Variants in RCAN2 observed in about 807,000 individuals in gnomAD.
The protein encoded by RCAN2 is calcipressin-2.
A neutral mutation model predicts 23.6 loss-of-function variants in RCAN2; 9 were observed. The observed-to-expected ratio is 0.38, with a 90% CI of 0.23 to 0.67. The LOEUF (loss-of-function observed/expected upper bound fraction) is 0.67. Among genes scored for constraint, RCAN2 ranks in the 30% least tolerant of loss-of-function variants. The pLI is 0.51. For synonymous variants in RCAN2, 109 were observed against 115.7 expected, an observed-to-expected ratio of 0.94 and a Z score of 0.37; for missense variants, 273 against 302.3, an observed-to-expected ratio of 0.90 and a Z score of 0.72.
intron 4 of RCAN2, among the ~76,000 whole-genome samples, chr6:46,243,505 G>A (rs1433524696): frequency 1.3e-5 from 2 of 152,064 alleles, no homozygotes; most frequent in Non-Finnish European, 2.9e-5. Context: ...GTTTAGATTG[G>A]TGTTTGTTAG....
intron 1 of RCAN2, among the ~76,000 whole-genome samples, chr6:46,470,928 C>T (rs1768539958): frequency 6.6e-6 from 1 of 152,296 alleles, no homozygotes; most frequent in South Asian, 2.1e-4. Flanking sequence ...CCTCATTCAC[C>T]TCATTCACCA....
chr6:46,257,016 A>T (rs1304454596), intron 2 of RCAN2, among the ~76,000 whole-genome samples: 1 of 152,248 alleles, frequency 6.6e-6, no homozygotes, highest in Non-Finnish European at 1.5e-5. Flanking sequence ...TCTGTCCAGC[A>T]TCCTCATTAA....
chr6:46,335,067 G>A (rs963807066), intron 2 of RCAN2, among the ~76,000 whole-genome samples: 3 of 152,188 alleles, frequency 2.0e-5, no homozygotes, highest in African/African-American at 7.2e-5. Flanking sequence ...CATATTGGAT[G>A]TGTCTGAAGG....
chr6:46,435,232 A>G (rs1358882934), intron 2 of RCAN2, among the ~76,000 whole-genome samples: 1 of 152,174 alleles, frequency 6.6e-6, no homozygotes, highest in African/African-American at 2.4e-5. Flanking sequence ...TATTTTTTGA[A>G]ATAACTCCTT....
chr6:46,323,654 T>A (rs553330374), intron 2 of RCAN2, among the ~76,000 whole-genome samples: 1 of 152,272 alleles, frequency 6.6e-6, no homozygotes, highest in East Asian at 1.9e-4. Flanking sequence ...AATCTACCCA[T>A]CTTTAAGTAT....
Position 46,436,206 on chromosome 6 carries a change from A to G in RCAN2, c.225+20546T>C, listed in dbSNP as rs1221977639. On this transcript the variant is annotated intron_variant, in intron 2 of 4. Transcript: ENST00000371374. Reference sequence around the variant, plus strand: ...AGCAACCACAGGCAAGGGAAGCAAGAGTCCCAACAGGTTTCTTTTTCTTGA... The same window carrying G: ...AGCAACCACAGGCAAGGGAAGCAAGGGTCCCAACAGGTTTCTTTTTCTTGA... Among the ~76,000 whole-genome samples, 8 of 152,298 alleles carry G rather than the reference A, an allele frequency of 5.3e-5. No homozygotes were observed. In the East Asian group the frequency reaches 1.5e-3, roughly 29 times the overall value.
chr6:46,328,865 T>G (rs1763874445), intron 2 of RCAN2, among the ~76,000 whole-genome samples: 1 of 152,200 alleles, frequency 6.6e-6, no homozygotes. Context: ...CACGCTGGCC[T>G]CCCAAAGTGC....
chr6:46,429,258 CT>C (rs1347790738), intron 2 of RCAN2, among the ~76,000 whole-genome samples: 1 of 152,160 alleles, frequency 6.6e-6, no homozygotes, highest in African/African-American at 2.4e-5. Context: ...TGTATAAACA[CT>C]TTTACAGGGT....
intron 2 of RCAN2, among the ~76,000 whole-genome samples, chr6:46,388,155 T>A (rs1765815689): frequency 6.6e-6 from 1 of 151,872 alleles, no homozygotes; most frequent in Non-Finnish European, 1.5e-5. Flanking sequence ...CCAATGTAAA[T>A]GACGAGTTAA....
intron 2 of RCAN2, among the ~76,000 whole-genome samples, chr6:46,270,152 G>A (rs1767477033): frequency 6.6e-6 from 1 of 152,112 alleles, no homozygotes; most frequent in Admixed American, 6.5e-5. Flanking sequence ...GTGCTGACAG[G>A]CTTCAGGACA....
chr6:46,402,817 CT>C, intron 2 of RCAN2, among the ~76,000 whole-genome samples: 1 of 152,280 alleles, frequency 6.6e-6, no homozygotes, highest in African/African-American at 2.4e-5. Flanking sequence ...GGTCTTTATT[CT>C]GAAGGCTCCT....
chr6:46,268,269 G>T (rs535335788), intron 2 of RCAN2, among the ~76,000 whole-genome samples: 13 of 152,284 alleles, frequency 8.5e-5, no homozygotes, highest in African/African-American at 2.9e-4. Flanking sequence ...GAAGAGAGCA[G>T]ACATAAGCCA....
At chr6:46,290,804 C>T (rs6933005) in intron 2 of RCAN2, among the ~76,000 whole-genome samples, 5,392 of 152,218 alleles carry the variant, frequency 0.035, 291 homozygotes, top group African/African-American at 0.12. Flanking sequence ...AACTTATGTA[C>T]ACAGAAATAT....
chr6:46,366,060 C>T (rs57758065), intron 2 of RCAN2, among the ~76,000 whole-genome samples: 127 of 152,170 alleles, frequency 8.3e-4, no homozygotes, highest in African/African-American at 2.9e-3. Flanking sequence ...ATGTGTGAGG[C>T]CAGGATTTGA....
chr6:46,419,026 A>G (rs915599992), intron 2 of RCAN2, among the ~76,000 whole-genome samples: 1 of 152,106 alleles, frequency 6.6e-6, no homozygotes. Flanking sequence ...AAAAAGCCCA[A>G]AAGAAAAAAG....
chr6:46,411,368 T>G (rs1221068270), intron 2 of RCAN2, among the ~76,000 whole-genome samples: 1 of 152,176 alleles, frequency 6.6e-6, no homozygotes, highest in African/African-American at 2.4e-5. Context: ...GTACAGAGTT[T>G]CAGTTTGGGA....
At chr6:46,312,376 T>C (rs1459600178) in intron 2 of RCAN2, among the ~76,000 whole-genome samples, 1 of 152,314 alleles carries the variant, frequency 6.6e-6, no homozygotes, top group Admixed American at 6.5e-5. Context: ...TCACTGAATT[T>C]CCACTTACGA....
At chr6:46,234,018 C>T (rs759366384) in intron 4 of RCAN2, among the ~76,000 whole-genome samples, 3 of 152,114 alleles carry the variant, frequency 2.0e-5, no homozygotes, top group Admixed American at 6.5e-5. Flanking sequence ...CGTGAGCCAC[C>T]GTGCCCGGCC....
chr6:46,470,126 A>C (rs80075897), intron 1 of RCAN2, among the ~76,000 whole-genome samples: 1 of 152,208 alleles, frequency 6.6e-6, no homozygotes, highest in African/African-American at 2.4e-5. Context: ...CACAAAATGA[A>C]CTAAAACAAC....
Sources: allele counts gnomAD v4.1 joint callset (sites outside exome capture counted in the v4.1 genomes callset), GRCh38; gene constraint gnomAD v4.1.1; transcripts MANE v1.5; gene names NCBI Gene and HGNC (gene_info 2026-07-23, HGNC 2026-07-21).